Variants in PREX1 observed in about 807,000 individuals in gnomAD.
The protein encoded by PREX1 is phosphatidylinositol-3,4,5-trisphosphate dependent Rac exchange factor 1.
PREX1 carries 41 observed loss-of-function variants against 198.3 expected under a neutral mutation model. The observed-to-expected ratio is 0.21, with a 90% CI of 0.16 to 0.27. PREX1 has a LOEUF of 0.27. Ranked by LOEUF, PREX1 falls within the 10% of genes least tolerant of loss-of-function variation. The pLI, the probability that PREX1 is intolerant of heterozygous loss-of-function variation, is 1.00. For synonymous variants in PREX1, 843 were observed against 887.2 expected (o/e 0.95, Z 0.89); for missense variants, 1,620 against 2,200.7 (o/e 0.74, Z 5.28).
intron 10 of PREX1, among the ~76,000 whole-genome samples, chr20:48,688,414 A>G (rs1335026682): frequency 6.6e-6 from 1 of 152,204 alleles, no homozygotes; most frequent in African/African-American, 2.4e-5. Flanking sequence ...CATATATTAC[A>G]TGAATGGGTG....
Position 48,634,800 on chromosome 20 carries a change from G to A in PREX1, c.4168-25C>T, listed in dbSNP as rs541148376. On this transcript the variant is annotated intron_variant, in intron 32 of 39. Coordinates refer to ENST00000371941, the MANE Select transcript of PREX1 (RefSeq NM_020820.4). ...TCTGCAGGAAGAAGACAGCGCGGAG[G>A]AGTCTCAGATGCCAACCCTGCCCCA... The A allele has an allele frequency of 1.9e-6, 3 of 1,604,738 alleles. No individual in the cohort carries two copies. In the South Asian group the frequency reaches 3.3e-5, roughly 18 times the overall value.
intron 7 of PREX1, among the ~76,000 whole-genome samples, chr20:48,694,073 G>C (rs563019927): frequency 1.3e-5 from 2 of 151,902 alleles, no homozygotes; most frequent in Non-Finnish European, 2.9e-5. Context: ...CACCATGGCC[G>C]GGTAATTTTT....
the PREX1 span, among the ~76,000 whole-genome samples, chr20:48,834,809 C>A: frequency 5.8e-4 from 88 of 152,224 alleles, 2 homozygotes; most frequent in Non-Finnish European, 2.5e-4. Flanking sequence ...GTCCTCCCAC[C>A]TCAGCCTCCC....
chr20:48,703,823 C>T (rs1288098860), intron 6 of PREX1, among the ~76,000 whole-genome samples: 2 of 152,198 alleles, frequency 1.3e-5, no homozygotes, highest in African/African-American at 4.8e-5. Context: ...GGGGGATACC[C>T]CCTCCACCCC....
rs1013149729 is a variant in PREX1, at chr20:48,681,724, CCAGA to C, written c.1335-393_1335-390del. On this transcript the variant is annotated intron_variant, in intron 10 of 39. Coordinates refer to ENST00000371941, the MANE Select transcript of PREX1 (RefSeq NM_020820.4). ...GATGGACGGACGGATGGATGTCCGGCCAGACAGACAGCCAGCAGCACATGGGCAG... is the reference window on the plus strand; with the variant it reads ...GATGGACGGACGGATGGATGTCCGGCCAGACAGCCAGCAGCACATGGGCAG... 1.6e-4 allele frequency among the ~76,000 whole-genome samples: 20 copies of C among 124,040 alleles called. No homozygotes were observed. In the South Asian group the frequency reaches 4.1e-3, roughly 25 times the overall value. 81.4% of individuals were successfully genotyped at this position (124,040 alleles called of 152,430 possible).
chr20:48,646,581 C>T lies in PREX1; in HGVS notation c.3306-524G>A, dbSNP rs546320780. ...TGGCGGGTGCCTGTAATCCCAGCTA[C>T]TCGGGAGGCTCGTATGAGAATCGCT... is the stretch of plus-strand genomic sequence containing the variant. On this transcript the variant is annotated intron_variant, in intron 25 of 39. Transcript: ENST00000371941. 1.7e-4 allele frequency among the ~76,000 whole-genome samples: 25 copies of T among 151,100 alleles called. No individual in the cohort carries two copies. The East Asian group carries it at 4.7e-3, about 28-fold the overall frequency.
intron 1 of PREX1, among the ~76,000 whole-genome samples, chr20:48,773,076 C>T (rs1011635132): frequency 2.6e-5 from 4 of 151,914 alleles, no homozygotes; most frequent in Admixed American, 2.6e-4. Context: ...AGACCAGCCT[C>T]GCCAACATGG....
At chr20:48,661,444 A>AAAAAAAAAAATATATATAT (rs1555832820) in intron 15 of PREX1, among the ~76,000 whole-genome samples, 2 of 49,598 alleles carry the variant, frequency 4.0e-5, no homozygotes, top group Non-Finnish European at 6.2e-5. Flanking sequence ...AAAAAAAAAA[A>AAAAAAAAAAATATATATAT]ATATATATAT....
intron 1 of PREX1, among the ~76,000 whole-genome samples, chr20:48,778,563 C>A (rs758882825): frequency 6.6e-6 from 1 of 151,902 alleles, no homozygotes. Context: ...GTACTCCAGC[C>A]TGGGTGACAG....
chr20:48,865,373 C>G, the PREX1 span, among the ~76,000 whole-genome samples: 5 of 152,186 alleles, frequency 3.3e-5, no homozygotes, highest in South Asian at 1.0e-3. Flanking sequence ...ACCCCCCACA[C>G]AGGTCCCTGG....
At chr20:48,818,946 G>T (rs1469306636) in intron 1 of PREX1, among the ~76,000 whole-genome samples, 12 of 152,150 alleles carry the variant, frequency 7.9e-5, no homozygotes, top group Admixed American at 7.9e-4. Context: ...CAGGAAGCCT[G>T]CCCTGGTTAC....
chr20:48,861,485 TC>T, the PREX1 span, among the ~76,000 whole-genome samples: 1 of 152,120 alleles, frequency 6.6e-6, no homozygotes, highest in Non-Finnish European at 1.5e-5. Context: ...CTGGAAGGGT[TC>T]CCCCTTGGAT....
intron 1 of PREX1, among the ~76,000 whole-genome samples, chr20:48,806,138 G>A (rs915155452): frequency 1.3e-5 from 2 of 152,168 alleles, no homozygotes; most frequent in African/African-American, 4.8e-5. Flanking sequence ...CTCCCCAGTT[G>A]TGACAACCAA....
intron 39 of PREX1, among the ~76,000 whole-genome samples, chr20:48,626,227 G>C (rs985267521): frequency 2.0e-5 from 3 of 152,224 alleles, no homozygotes; most frequent in Non-Finnish European, 4.4e-5. Flanking sequence ...GTGGGGGCCA[G>C]ATGGCCACAG....
chr20:48,781,084 CAAAG>C (rs2090287705), intron 1 of PREX1, among the ~76,000 whole-genome samples: 1 of 152,074 alleles, frequency 6.6e-6, no homozygotes, highest in Non-Finnish European at 1.5e-5. Flanking sequence ...TCATGAAAGG[CAAAG>C]AAAGACTGGG....
intron 1 of PREX1, among the ~76,000 whole-genome samples, chr20:48,753,097 T>A (rs557778338): frequency 1.3e-5 from 2 of 152,298 alleles, no homozygotes; most frequent in African/African-American, 4.8e-5. Context: ...GACTGTTTAC[T>A]CAGCTCCCAG....
rs6095315 is a variant in PREX1, at chr20:48,826,224, G to A, written c.219+1418C>T. Among the ~76,000 whole-genome samples, 392 of 152,160 alleles carry A rather than the reference G, an allele frequency of 2.6e-3. 2 individuals carry two copies. The highest frequency in any genetic ancestry group is 6.8e-3 in the African/African-American group (284 of 41,502). On this transcript the variant is annotated intron_variant, in intron 1 of 39. Transcript: ENST00000371941. ...CCCCACACCAGCCCTTCCTGAACCA[G>A]GATTAAAAGACTTCCTAGAGCAGAG...
intron 10 of PREX1, among the ~76,000 whole-genome samples, chr20:48,687,188 C>G (rs2089790205): frequency 6.6e-6 from 1 of 152,218 alleles, no homozygotes; most frequent in African/African-American, 2.4e-5. Flanking sequence ...ATGTGTAGGT[C>G]CCCAATGCAG....
At chr20:48,843,218 T>C in the PREX1 span, among the ~76,000 whole-genome samples, 3 of 152,176 alleles carry the variant, frequency 2.0e-5, no homozygotes, top group Non-Finnish European at 4.4e-5. Context: ...AAATACGGAA[T>C]ATATTGGGTC....
Sources: gnomAD v4.1 joint callset for allele counts (sites outside exome capture counted in the v4.1 genomes callset) on GRCh38, gnomAD v4.1.1 for gene constraint, MANE v1.5 for transcripts, NCBI Gene and HGNC (gene_info 2026-07-23, HGNC 2026-07-21) for gene names.